C2CD3: variants seen among roughly 807,000 people sequenced by gnomAD.
C2CD3 encodes the protein C2 domain-containing protein 3.
In C2CD3, 148 loss-of-function variants were observed where a neutral mutation model predicts 234.0. The ratio of observed to expected loss-of-function variants is 0.63; its 90% CI spans 0.55 to 0.72. C2CD3 has a LOEUF of 0.72. Among genes scored for constraint, C2CD3 ranks in the 30% least tolerant of loss-of-function variants. The pLI is 0.00. For missense variants in C2CD3, 2,577 were observed against 2,811.5 expected, an observed-to-expected ratio of 0.92 and a Z score of 1.89; for synonymous variants, 1,000 against 1,035.4, an observed-to-expected ratio of 0.97 and a Z score of 0.66.
At chr11:74,063,845 A>C (rs1052238208) in intron 24 of C2CD3, among the ~76,000 whole-genome samples, 1 of 152,314 alleles carries the variant, frequency 6.6e-6, no homozygotes, top group African/African-American at 2.4e-5. Context: ...TTTGCAGATG[A>C]CATGATTGTA....
chr11:74,092,020 TTA>T (rs538580151), intron 19 of C2CD3, among the ~76,000 whole-genome samples: 8 of 151,142 alleles, frequency 5.3e-5, no homozygotes, highest in Admixed American at 2.0e-4. Context: ...ACTGTATATT[TTA>T]TATATATATA....
intron 13 of C2CD3, among the ~76,000 whole-genome samples, chr11:74,104,759 C>T (rs374515415): frequency 3.3e-5 from 5 of 152,216 alleles, no homozygotes; most frequent in African/African-American, 4.8e-5. Flanking sequence ...GCTGTTTCTT[C>T]GATCTGAAAT....
At chr11:74,109,899 C>T (rs1011626747) in intron 11 of C2CD3, among the ~76,000 whole-genome samples, 6 of 150,256 alleles carry the variant, frequency 4.0e-5, no homozygotes, top group South Asian at 2.1e-4. Flanking sequence ...GGTGAAACCC[C>T]GTCTCTACTA....
chr11:74,104,176 G>A (rs1290606173), intron 13 of C2CD3, among the ~76,000 whole-genome samples: 2 of 152,062 alleles, frequency 1.3e-5, no homozygotes, highest in African/African-American at 2.4e-5. Context: ...TAAAATAACT[G>A]GCATTACTTA....
At chr11:74,039,875 T>C (rs376328112) in intron 29 of C2CD3, among the ~76,000 whole-genome samples, 8 of 152,356 alleles carry the variant, frequency 5.3e-5, no homozygotes, top group Admixed American at 2.6e-4. Context: ...AAATAGGTTA[T>C]GTGAATGACC....
intron 6 of C2CD3, 112 bp from the exon 7 acceptor site, chr11:74,133,084 A>T (rs1957733250): frequency 1.0e-6 from 1 of 966,804 alleles, no homozygotes; most frequent in Non-Finnish European, 1.6e-6. Flanking sequence ...AACATACTTT[A>T]GACTTAACTG....
At position 74,098,227 on chromosome 11, in the gene C2CD3, CCAG is replaced by C. The variant is rs1956183367; in HGVS notation, c.2758_2760del (p.Leu920del). On this transcript the variant is annotated inframe_deletion, in exon 16 of 33. Coordinates refer to ENST00000334126, the MANE Select transcript of C2CD3 (RefSeq NM_001286577.2). ...ACAGCAACAACTGGGTACTGGGCAT[CCAG>C]CAGCAGGCGAGAAATCTTAGCATCT... 2 of 1,614,032 alleles carry C rather than the reference CCAG, an allele frequency of 1.2e-6. No homozygotes were observed. Among genetic ancestry groups the C allele is most frequent in the Admixed American group, 3.3e-5 (2 of 60,010 alleles).
chr11:74,017,696 T>A (rs981237663), intron 32 of C2CD3, among the ~76,000 whole-genome samples: 1 of 152,216 alleles, frequency 6.6e-6, no homozygotes, highest in Non-Finnish European at 1.5e-5. Flanking sequence ...GATGAGCAGA[T>A]AATGCAAGAG....
chr11:74,067,493 A>G (rs1482923298), intron 24 of C2CD3, among the ~76,000 whole-genome samples: 5 of 152,078 alleles, frequency 3.3e-5, no homozygotes, highest in Non-Finnish European at 7.3e-5. Context: ...ATATTAAAGA[A>G]AAAAATTTTT....
intron 25 of C2CD3, among the ~76,000 whole-genome samples, chr11:74,054,895 CACA>C (rs1160136694): frequency 1.3e-5 from 2 of 152,172 alleles, no homozygotes; most frequent in African/African-American, 4.8e-5. Context: ...GCTCCCCTGA[CACA>C]ACATTTCCTC....
Position 74,042,223 on chromosome 11 carries a change from C to CCA in C2CD3, c.5496-6_5496-5insTG. 1 of 1,382,578 alleles carries CCA rather than the reference C, an allele frequency of 7.2e-7. No homozygotes were observed. The highest frequency in any genetic ancestry group is 9.3e-7 in the Non-Finnish European group (1 of 1,071,552). The allele number at this position is 1,382,578 out of a possible 1,614,324, so 85.6% of individuals were successfully genotyped here. On this transcript the variant is annotated splice_polypyrimidine_tract_variant and splice_region_variant and intron_variant, in intron 28 of 32. Transcript: ENST00000334126. ...TGGCTTCTTGTGGTATCACTTCTGT[C>CCA]AAAAAAAAAAAAAAAAAAAGTAGGA...
At position 74,078,574 on chromosome 11, in the gene C2CD3, C is replaced by T. The variant is rs763561048; in HGVS notation, c.4144G>A (p.Ala1382Thr). Residue 1382 changes from alanine (A) to threonine (T), a missense_variant, in exon 23 of 33, where the codon GCT becomes ACT. Transcript: ENST00000334126. Reference sequence around the variant, plus strand: ...TCAAAGCTCCAGCCCAAATGCTCAGCAGCTTCCAACACCCGTTCTCTATCT... The same window carrying T: ...TCAAAGCTCCAGCCCAAATGCTCAGTAGCTTCCAACACCCGTTCTCTATCT... ...RGDRERVLEA[A>T]EHLGWSFENS... 3 of 1,614,040 alleles carry T rather than the reference C, an allele frequency of 1.9e-6. No individual in the cohort carries two copies. In the East Asian group the frequency reaches 6.7e-5, roughly 36 times the overall value.
chr11:74,117,668 C>T (rs946715390), intron 9 of C2CD3, among the ~76,000 whole-genome samples: 1 of 152,040 alleles, frequency 6.6e-6, no homozygotes, highest in African/African-American at 2.4e-5. Flanking sequence ...AATCCCAGCA[C>T]TTTGGGAGGC....
chr11:74,035,807 T>C lies in C2CD3; in HGVS notation c.5882-1529A>G, dbSNP rs181646651. 1.6e-3 allele frequency among the ~76,000 whole-genome samples: 251 copies of C among 152,236 alleles called. 3 individuals carry two copies. Among genetic ancestry groups the C allele is most frequent in the Non-Finnish European group, 3.2e-3 (217 of 67,984 alleles). ...AGTTCTCATTCAGTTGTCTGCTTGC[T>C]GAGAACTTTCCATTTCTTCCAGGAT... On this transcript the variant is annotated intron_variant, in intron 30 of 32. Coordinates refer to ENST00000334126, the MANE Select transcript of C2CD3 (RefSeq NM_001286577.2).
intron 14 of C2CD3, among the ~76,000 whole-genome samples, chr11:74,101,636 A>C (rs1273726648): frequency 6.6e-6 from 1 of 152,150 alleles, no homozygotes; most frequent in African/African-American, 2.4e-5. Flanking sequence ...CTTAAATCTC[A>C]AGGCTGAGCA....
In C2CD3 at chr11:74,169,129, T is replaced by C. The variant is rs570200535; in HGVS notation, c.56-516A>G. On this transcript the variant is annotated intron_variant, in intron 1 of 32. Coordinates refer to ENST00000334126, the MANE Select transcript of C2CD3 (RefSeq NM_001286577.2). ...CTCACAAACGATTTAGACTATATCA[T>C]ACAACTCAGCATTTCAATGAAGAAC... is the stretch of plus-strand genomic sequence containing the variant. 7.6e-4 allele frequency among the ~76,000 whole-genome samples: 116 copies of C among 152,330 alleles called. 1 individual carries two copies. Among genetic ancestry groups the C allele is most frequent in the Non-Finnish European group, 1.4e-3 (92 of 68,026 alleles).
chr11:74,138,638 G>A, intron 5 of C2CD3, 82 bp downstream of exon 5: 3 of 1,117,810 alleles, frequency 2.7e-6, no homozygotes, highest in Non-Finnish European at 4.0e-6. Context: ...AAGAGTCTTG[G>A]TTCTCTTTGT....
chr11:74,018,108 C>G (rs1242629011), intron 32 of C2CD3, among the ~76,000 whole-genome samples: 1 of 152,222 alleles, frequency 6.6e-6, no homozygotes, highest in Admixed American at 6.5e-5. Context: ...TCAAGTGGAT[C>G]TAAGAACTTC....
intron 23 of C2CD3, 115 bp downstream of exon 23, chr11:74,078,000 C>T: frequency 7.8e-7 from 1 of 1,282,324 alleles, no homozygotes; most frequent in Non-Finnish European, 1.1e-6. Flanking sequence ...TAATACCTAT[C>T]TCACAGGATT....
Sources: gnomAD v4.1 joint callset for allele counts (sites outside exome capture counted in the v4.1 genomes callset) on GRCh38, gnomAD v4.1.1 for gene constraint, MANE v1.5 for transcripts, NCBI Gene and HGNC (gene_info 2026-07-23, HGNC 2026-07-21) for gene names.